TENM3: variants seen among roughly 807,000 people sequenced by gnomAD.
TENM3 encodes teneurin transmembrane protein 3.
Under a neutral mutation model 255.1 loss-of-function variants are expected in TENM3, and 63 were observed. The ratio of observed to expected loss-of-function variants is 0.25; its 90% CI spans 0.20 to 0.30. The LOEUF (loss-of-function observed/expected upper bound fraction) is 0.30. Among genes scored for constraint, TENM3 ranks in the 10% least tolerant of loss-of-function variants. The probability of loss-of-function intolerance (pLI) is 1.00; values close to 1 mark genes in which losing one functional copy is unlikely to be tolerated. For missense variants in TENM3, 2,929 were observed against 3,461.1 expected (o/e 0.85, Z 3.86); for synonymous variants, 1,306 against 1,322.3 (o/e 0.99, Z 0.27).
chr4:181,956,750 G>T, the TENM3 span, among the ~76,000 whole-genome samples: 38 of 152,286 alleles, frequency 2.5e-4, no homozygotes, highest in African/African-American at 9.1e-4. Context: ...AAAAGAAAAA[G>T]CTACGCTACA....
intron 3 of TENM3, among the ~76,000 whole-genome samples, chr4:182,413,552 G>T (rs1298592520): frequency 6.6e-6 from 1 of 151,864 alleles, no homozygotes; most frequent in Non-Finnish European, 1.5e-5. Flanking sequence ...GGAAGCGGAG[G>T]TTGCAGTGAG....
chr4:182,342,755 C>T lies in TENM3; in HGVS notation c.233-3896C>T, dbSNP rs531694054. ...GACATTAGTGAGGAGAGAATGCCTTCCCCGTGGGGTGCTTTCGTCATCCTA... is the reference window on the plus strand; with the variant it reads ...GACATTAGTGAGGAGAGAATGCCTTTCCCGTGGGGTGCTTTCGTCATCCTA... On this transcript the variant is annotated intron_variant, in intron 2 of 27. Coordinates refer to ENST00000511685, the MANE Select transcript of TENM3 (RefSeq NM_001080477.4). 2.0e-5 allele frequency among the ~76,000 whole-genome samples: 3 copies of T among 152,214 alleles called. No homozygotes were observed. The East Asian group carries it at 5.8e-4, about 29-fold the overall frequency.
chr4:181,553,631 C>T, the TENM3 span, among the ~76,000 whole-genome samples: 3 of 151,848 alleles, frequency 2.0e-5, no homozygotes, highest in African/African-American at 4.8e-5. Context: ...TTAGTAGAGA[C>T]GGGGTTTCAC....
the TENM3 span, among the ~76,000 whole-genome samples, chr4:181,753,988 G>C: frequency 6.6e-6 from 1 of 152,144 alleles, no homozygotes; most frequent in Non-Finnish European, 1.5e-5. Flanking sequence ...GAAGTAAAAT[G>C]ATGTGGGGAA....
chr4:182,601,012 C>T lies in TENM3; in HGVS notation c.600C>T (p.Ile200=). ...ACTCTGCACAGCATCATCCATCCAT[C>T]ACTTCTCTCAACAGAAACTCCCTGA... ...KQHSAQHHPS[I]TSLNRNSLTN... Residue 200 remains isoleucine (I), a synonymous_variant, in exon 4 of 28, where the codon ATC becomes ATT. Coordinates refer to ENST00000511685, the MANE Select transcript of TENM3 (RefSeq NM_001080477.4). 6.2e-7 allele frequency: 1 copy of T among 1,601,566 alleles called. No individual in the cohort carries two copies. The highest frequency in any genetic ancestry group is 8.5e-7 in the Non-Finnish European group (1 of 1,173,804).
At chr4:181,753,523 C>CA in the TENM3 span, among the ~76,000 whole-genome samples, 1 of 125,166 alleles carries the variant, frequency 8.0e-6, no homozygotes, top group East Asian at 2.2e-4. Context: ...GTTGTTTTTG[C>CA]AAAAATGAAA....
chr4:182,068,362 A>G, the TENM3 span, among the ~76,000 whole-genome samples: 9 of 148,856 alleles, frequency 6.0e-5, no homozygotes, highest in Non-Finnish European at 1.5e-5. Flanking sequence ...ATGAGGATAC[A>G]GAATCTTTAT....
intron 3 of TENM3, among the ~76,000 whole-genome samples, chr4:182,479,126 A>G (rs1268477506): frequency 3.0e-5 from 2 of 66,202 alleles, no homozygotes; most frequent in African/African-American, 6.7e-5. Flanking sequence ...CCTTAACAAT[A>G]TAGTTAAGTG....
chr4:181,573,310 C>A, the TENM3 span, among the ~76,000 whole-genome samples: 4 of 152,104 alleles, frequency 2.6e-5, no homozygotes, highest in Non-Finnish European at 5.9e-5. Context: ...TTTTGAGGAA[C>A]CTCCATACTA....
the TENM3 span, among the ~76,000 whole-genome samples, chr4:181,814,088 A>G: frequency 1.3e-5 from 2 of 152,354 alleles, no homozygotes; most frequent in East Asian, 3.9e-4. Context: ...AACTCATCCC[A>G]TTAAAGGCTT....
At chr4:182,078,587 A>C in the TENM3 span, among the ~76,000 whole-genome samples, 3 of 152,126 alleles carry the variant, frequency 2.0e-5, no homozygotes, top group Non-Finnish European at 4.4e-5. Flanking sequence ...CCACATAAAG[A>C]TTTTAACGTG....
intron 4 of TENM3, among the ~76,000 whole-genome samples, chr4:182,606,028 G>A (rs141589932): frequency 6.6e-6 from 1 of 152,310 alleles, no homozygotes; most frequent in East Asian, 1.9e-4. Flanking sequence ...CAGGTTGAAT[G>A]CAGGTAAGGC....
At chr4:181,882,178 A>G in the TENM3 span, among the ~76,000 whole-genome samples, 1 of 152,182 alleles carries the variant, frequency 6.6e-6, no homozygotes, top group Non-Finnish European at 1.5e-5. Context: ...TGACTTCATT[A>G]TGAGGAAAAC....
At chr4:182,156,713 A>G (rs1237946322) in intron 1 of TENM3, among the ~76,000 whole-genome samples, 3 of 152,224 alleles carry the variant, frequency 2.0e-5, no homozygotes, top group Admixed American at 6.5e-5. Flanking sequence ...ACAAGTCAAT[A>G]TAAATACAAT....
At chr4:181,641,767 T>G in the TENM3 span, among the ~76,000 whole-genome samples, 1 of 120,740 alleles carries the variant, frequency 8.3e-6, no homozygotes, top group Non-Finnish European at 1.7e-5. Flanking sequence ...TGTATATATA[T>G]ATATACATAC....
At chr4:181,771,584 G>A in the TENM3 span, among the ~76,000 whole-genome samples, 103 of 152,298 alleles carry the variant, frequency 6.8e-4, no homozygotes, top group South Asian at 5.8e-3. Flanking sequence ...AGAGATGCCC[G>A]GCAGACAAAC....
At chr4:182,160,294 G>A (rs1579545633) in intron 1 of TENM3, among the ~76,000 whole-genome samples, 2 of 152,042 alleles carry the variant, frequency 1.3e-5, no homozygotes, top group African/African-American at 2.4e-5. Flanking sequence ...GAGCCACCGC[G>A]CCCGCCTATT....
chr4:182,487,596 C>G (rs1051958904), intron 3 of TENM3, among the ~76,000 whole-genome samples: 14 of 152,082 alleles, frequency 9.2e-5, no homozygotes, highest in Non-Finnish European at 1.5e-4. Context: ...ACTCTCCCAA[C>G]TGAGCTACTT....
the TENM3 span, among the ~76,000 whole-genome samples, chr4:181,711,298 A>G: frequency 6.6e-6 from 1 of 151,746 alleles, no homozygotes; most frequent in African/African-American, 2.4e-5. Context: ...TCAATAAATC[A>G]TATATCAGTT....
Sources: gnomAD v4.1 joint callset for allele counts (sites outside exome capture counted in the v4.1 genomes callset) on GRCh38, gnomAD v4.1.1 for gene constraint, MANE v1.5 for transcripts, NCBI Gene and HGNC (gene_info 2026-07-23, HGNC 2026-07-21) for gene names.